The following VAV2 variants were observed in gnomAD, a reference collection of about 807,000 sequenced individuals.
The protein encoded by VAV2 is vav guanine nucleotide exchange factor 2, also known as guanine nucleotide exchange factor VAV2.
A neutral mutation model predicts 132.5 loss-of-function variants in VAV2; 67 were observed. The observed-to-expected ratio is 0.51, with a 90% confidence interval of 0.42 to 0.62. VAV2 has a LOEUF of 0.62. VAV2 is among the 20% of genes least tolerant of loss of function. The pLI, the probability that VAV2 is intolerant of heterozygous loss-of-function variation, is 0.00. For missense variants in VAV2, 938 were observed against 1,153.6 expected (o/e 0.81, Z 2.71); for synonymous variants, 492 against 443.5 (o/e 1.11, Z -1.37).
rs878873208 is a variant in VAV2, at chr9:133,762,330, T to C, written c.*1732A>G. The C allele has an allele frequency of 2.0e-5, 3 of 152,644 alleles. No homozygotes were observed. Among genetic ancestry groups the C allele is most frequent in the African/African-American group, 7.2e-5 (3 of 41,464 alleles). The allele number at this position is 152,644 out of a possible 1,614,324, so 9.5% of individuals were successfully genotyped here. A position where few individuals can be genotyped will look rare whatever the true frequency, so the allele number is the denominator to read the frequency against. On this transcript the variant is annotated 3_prime_UTR_variant, in exon 30 of 30. Transcript: ENST00000371850. The surrounding 1 kb of genome is among the most constrained non-coding windows in gnomAD (Gnocchi z 5.0). Reference sequence around the variant, plus strand: ...ATTTTCTTGCTATTATAAAATCTCTTATTATTCACAGATATATAACGGGAG... The same window carrying C: ...ATTTTCTTGCTATTATAAAATCTCTCATTATTCACAGATATATAACGGGAG...
intron 2 of VAV2, among the ~76,000 whole-genome samples, chr9:133,887,582 G>A (rs563411483): frequency 3.5e-5 from 5 of 143,086 alleles, no homozygotes; most frequent in South Asian, 4.8e-4. Context: ...CATCACCACC[G>A]TCACACACAC....
intron 2 of VAV2, among the ~76,000 whole-genome samples, chr9:133,917,528 T>TA (rs1477827425): frequency 6.7e-6 from 1 of 150,300 alleles, no homozygotes; most frequent in East Asian, 1.9e-4. Flanking sequence ...AGGGAAAACT[T>TA]ATGCCACTGA....
At chr9:133,818,331 A>T (rs1396986713) in intron 4 of VAV2, among the ~76,000 whole-genome samples, 1 of 147,594 alleles carries the variant, frequency 6.8e-6, no homozygotes, top group Admixed American at 7.0e-5. Flanking sequence ...GCGCCACTGC[A>T]CTCCAGCCTG....
intron 1 of VAV2, among the ~76,000 whole-genome samples, chr9:133,954,359 A>G (rs1249556794): frequency 6.6e-6 from 1 of 152,198 alleles, no homozygotes; most frequent in East Asian, 1.9e-4. Flanking sequence ...ATGGGGCGGC[A>G]AGGCACAAGG....
chr9:133,895,774 C>T (rs1212128622), intron 2 of VAV2, among the ~76,000 whole-genome samples: 3 of 152,214 alleles, frequency 2.0e-5, no homozygotes, highest in African/African-American at 2.4e-5. Flanking sequence ...ACACTTCAAA[C>T]GGGCGAACCC....
At chr9:133,940,721 G>C (rs929177650) in intron 1 of VAV2, among the ~76,000 whole-genome samples, 1 of 146,224 alleles carries the variant, frequency 6.8e-6, no homozygotes, top group African/African-American at 2.5e-5. Flanking sequence ...CTGAACACTC[G>C]AGATTAACTA....
At chr9:133,789,201 A>T in intron 14 of VAV2, 57 bp downstream of exon 14, 1 of 1,589,058 alleles carries the variant, frequency 6.3e-7, no homozygotes, top group African/African-American at 1.3e-5. Flanking sequence ...GCTCCCTGGG[A>T]GGGAGAGCCA....
intron 1 of VAV2, among the ~76,000 whole-genome samples, chr9:133,942,782 C>A (rs1381615619): frequency 6.6e-6 from 1 of 152,134 alleles, no homozygotes; most frequent in Non-Finnish European, 1.5e-5. Flanking sequence ...CTCTGGCCAC[C>A]CTAACCTTTA....
At chr9:133,814,209 C>T (rs1442100519) in intron 4 of VAV2, among the ~76,000 whole-genome samples, 2 of 152,368 alleles carry the variant, frequency 1.3e-5, no homozygotes, top group Non-Finnish European at 2.9e-5. Context: ...AGGTCCATCC[C>T]CAGCCAGGTC....
chr9:133,778,069 G>A (rs1458364486), intron 22 of VAV2, among the ~76,000 whole-genome samples: 1 of 152,116 alleles, frequency 6.6e-6, no homozygotes, highest in East Asian at 1.9e-4. Flanking sequence ...TGGCTCAGAC[G>A]CCCGGGTGCC....
At chr9:133,764,199 G>A in intron 29 of VAV2, 90 bp from the exon 30 acceptor site, 4 of 1,539,884 alleles carry the variant, frequency 2.6e-6, no homozygotes, top group Non-Finnish European at 3.6e-6. Context: ...GGCAAGTAGA[G>A]GCTCATGAAG....
At chr9:133,848,911 C>A (rs1360974625) in intron 3 of VAV2, among the ~76,000 whole-genome samples, 7 of 152,242 alleles carry the variant, frequency 4.6e-5, no homozygotes, top group Non-Finnish European at 1.0e-4. Context: ...CATGCCAAGA[C>A]GTCATCTTCT....
chr9:133,919,066 C>A lies in VAV2; in HGVS notation c.321+20037G>T, dbSNP rs1021741587. 2.0e-5 allele frequency among the ~76,000 whole-genome samples: 3 copies of A among 152,114 alleles called. No homozygotes were observed. In the East Asian group the frequency reaches 5.8e-4, roughly 29 times the overall value. On this transcript the variant is annotated intron_variant, in intron 2 of 29. Coordinates refer to ENST00000371850, the MANE Select transcript of VAV2 (RefSeq NM_001134398.2). The surrounding 1 kb of genome is among the most constrained non-coding windows in gnomAD (Gnocchi z 5.8). ...GGGATTACAGGTGAGAGCTACCACC[C>A]CCGGCCGCCACCATGTTTTTAAAGA...
intron 19 of VAV2, among the ~76,000 whole-genome samples, chr9:133,782,479 G>T (rs902965523): frequency 1.3e-5 from 2 of 152,166 alleles, no homozygotes; most frequent in Admixed American, 1.3e-4. Context: ...GGGACAAGGG[G>T]GTCTGGGCTG....
At chr9:133,916,019 A>C (rs1329272984) in intron 2 of VAV2, among the ~76,000 whole-genome samples, 1 of 151,028 alleles carries the variant, frequency 6.6e-6, no homozygotes, top group Non-Finnish European at 1.5e-5. Flanking sequence ...ACATGCACGG[A>C]ATGCACACAA....
intron 1 of VAV2, among the ~76,000 whole-genome samples, chr9:133,985,572 G>C (rs1007227761): frequency 6.6e-6 from 1 of 152,124 alleles, no homozygotes; most frequent in South Asian, 2.1e-4. Flanking sequence ...ATGAGCCATC[G>C]CGCCCGGCCC....
rs1237213523 is a variant in VAV2, at chr9:133,991,938, G to T, written c.204+137C>A. On this transcript the variant is annotated intron_variant, in intron 1 of 29. Coordinates refer to ENST00000371850, the MANE Select transcript of VAV2 (RefSeq NM_001134398.2). The surrounding 1 kb of genome is among the most constrained non-coding windows in gnomAD (Gnocchi z 4.8). ...GAGGCCCGGGGCGCACCCTCCAGCCGCCCGCCCGCGTCCCGGAGCCCGGCC... is the reference window on the plus strand; with the variant it reads ...GAGGCCCGGGGCGCACCCTCCAGCCTCCCGCCCGCGTCCCGGAGCCCGGCC... 11 of 670,876 alleles carry T rather than the reference G, an allele frequency of 1.6e-5. No homozygotes were observed. Among genetic ancestry groups the T allele is most frequent in the African/African-American group, 2.0e-5 (1 of 50,636 alleles). 41.6% of individuals were successfully genotyped at this position (670,876 alleles called of 1,614,324 possible).
At chr9:133,777,289 G>A (rs1833849965) in intron 23 of VAV2, 100 bp downstream of exon 23, 4 of 1,239,946 alleles carry the variant, frequency 3.2e-6, no homozygotes. Context: ...TAGCAAGGAT[G>A]TCCTGAACAA....
In VAV2 at chr9:133,863,614, G is replaced by A. The variant is rs1837686321; in HGVS notation, c.322-2182C>T. 1.3e-5 allele frequency among the ~76,000 whole-genome samples: 2 copies of A among 152,170 alleles called. No homozygotes were observed. Among genetic ancestry groups the A allele is most frequent in the Admixed American group, 6.5e-5 (1 of 15,286 alleles). On this transcript the variant is annotated intron_variant, in intron 2 of 29. Coordinates refer to ENST00000371850, the MANE Select transcript of VAV2 (RefSeq NM_001134398.2). The surrounding 1 kb of genome is among the most constrained non-coding windows in gnomAD (Gnocchi z 5.0). ...CTTTGCCCCAGGATGAACGTGTCAC[G>A]AGCAGCTGATGAAGGGCTCTGGAGG...
Sources: allele counts gnomAD v4.1 joint callset (sites outside exome capture counted in the v4.1 genomes callset), GRCh38; gene constraint gnomAD v4.1.1; non-coding constraint Gnocchi (gnomAD v3.1); transcripts MANE v1.5; gene names NCBI Gene and HGNC (gene_info 2026-07-23, HGNC 2026-07-21).